The following GPC6 variants were observed in gnomAD, a reference collection of about 807,000 sequenced individuals.
GPC6 encodes the protein glypican-6.
A neutral mutation model predicts 55.2 loss-of-function variants in GPC6; 14 were observed. That is an observed-to-expected ratio of 0.25 (90% confidence interval 0.17 to 0.40). The LOEUF (loss-of-function observed/expected upper bound fraction) is 0.40. Among genes scored for constraint, GPC6 ranks in the 10% least tolerant of loss-of-function variants. The pLI is 1.00. For missense variants in GPC6, 641 were observed against 708.5 expected (o/e 0.90, Z 1.08); for synonymous variants, 278 against 259.6 (o/e 1.07, Z -0.68).
At chr13:94,241,142 G>T (rs1263769799) in intron 4 of GPC6, among the ~76,000 whole-genome samples, 2 of 152,126 alleles carry the variant, frequency 1.3e-5, no homozygotes, top group Non-Finnish European at 2.9e-5. Flanking sequence ...GCAATCTCTT[G>T]GTCACGTGAG....
chr13:93,378,996 G>GAA (rs71202582), intron 1 of GPC6, among the ~76,000 whole-genome samples: 54,280 of 136,686 alleles, frequency 0.4, 11,279 homozygotes, highest in Non-Finnish European at 0.51. Flanking sequence ...CTCCATCTCA[G>GAA]AAAAAAAAAA....
chr13:93,393,127 T>TATATATATATATATATATATAGAGAGAG (rs1230857277), intron 1 of GPC6, among the ~76,000 whole-genome samples: 3 of 87,612 alleles, frequency 3.4e-5, no homozygotes, highest in African/African-American at 1.2e-4. Flanking sequence ...TATATATATA[T>TATATATATATATATATATATAGAGAGAG]AGAGAGAGAG....
chr13:93,746,204 A>G (rs944397592), intron 2 of GPC6, among the ~76,000 whole-genome samples: 1 of 152,218 alleles, frequency 6.6e-6, no homozygotes, highest in Non-Finnish European at 1.5e-5. Flanking sequence ...ACTCTTCAAA[A>G]GCTGTCATAA....
chr13:93,650,532 C>T (rs944678998), intron 2 of GPC6, among the ~76,000 whole-genome samples: 1 of 151,808 alleles, frequency 6.6e-6, no homozygotes, highest in Non-Finnish European at 1.5e-5. Flanking sequence ...ACACTGGGAA[C>T]ACAGAGATGA....
chr13:93,825,915 C>T (rs1177684089), intron 2 of GPC6, among the ~76,000 whole-genome samples: 3 of 139,282 alleles, frequency 2.2e-5, no homozygotes, highest in African/African-American at 8.2e-5. Flanking sequence ...GGCTGAAGTG[C>T]AGCAGTAGGA....
intron 4 of GPC6, among the ~76,000 whole-genome samples, chr13:94,088,189 A>C (rs1028156967): frequency 5.9e-5 from 9 of 152,158 alleles, no homozygotes; most frequent in African/African-American, 2.2e-4. Context: ...ATATTCACTA[A>C]TTCAATGTTG....
intron 1 of GPC6, among the ~76,000 whole-genome samples, chr13:93,431,849 A>G (rs887789808): frequency 1.3e-5 from 2 of 152,196 alleles, no homozygotes; most frequent in Non-Finnish European, 2.9e-5. Flanking sequence ...TGATGAAAAC[A>G]TATTGACTTG....
intron 1 of GPC6, among the ~76,000 whole-genome samples, chr13:93,415,798 T>A (rs73552622): frequency 6.6e-6 from 1 of 152,232 alleles, no homozygotes; most frequent in African/African-American, 2.4e-5. Flanking sequence ...GTGAACAGCC[T>A]AGCTGTATCT....
chr13:93,539,615 A>G (rs188914527), intron 1 of GPC6, among the ~76,000 whole-genome samples: 11 of 152,288 alleles, frequency 7.2e-5, no homozygotes, highest in Admixed American at 6.5e-4. Flanking sequence ...TTGCTGACAA[A>G]ATGGAAGACT....
At chr13:93,382,266 A>C (rs16948743) in intron 1 of GPC6, among the ~76,000 whole-genome samples, 1,979 of 152,276 alleles carry the variant, frequency 0.013, 35 homozygotes, top group African/African-American at 0.045. Context: ...TGAATCCTAG[A>C]AATGATATAA....
At chr13:93,471,892 T>G (rs536122216) in intron 1 of GPC6, among the ~76,000 whole-genome samples, 4 of 152,234 alleles carry the variant, frequency 2.6e-5, no homozygotes, top group Non-Finnish European at 5.9e-5. Flanking sequence ...TTAGATTCAG[T>G]TGACTTATGG....
intron 2 of GPC6, among the ~76,000 whole-genome samples, chr13:93,630,091 A>G (rs531817838): frequency 3.9e-5 from 6 of 152,224 alleles, no homozygotes; most frequent in Non-Finnish European, 5.9e-5. Flanking sequence ...AGGTGTTACT[A>G]TCATTACTAT....
chr13:93,597,860 T>C (rs1877830912), intron 2 of GPC6, among the ~76,000 whole-genome samples: 1 of 152,068 alleles, frequency 6.6e-6, no homozygotes, highest in Admixed American at 6.6e-5. Context: ...AAAAGTTATA[T>C]GTGGGCTGGG....
In GPC6 at chr13:94,270,280, C is replaced by T. The variant is rs1034458197; in HGVS notation, c.878-16069C>T. 2.6e-5 allele frequency among the ~76,000 whole-genome samples: 4 copies of T among 152,170 alleles called. No homozygotes were observed. In the East Asian group the frequency reaches 7.7e-4, roughly 29 times the overall value. ...TAGATAATCAGAAATAGGGACAAAT[C>T]TGAGATAAGGAGTATATTTTATAAT... On this transcript the variant is annotated intron_variant, in intron 4 of 8. Transcript: ENST00000377047.
At chr13:94,148,321 G>A (rs1416230562) in intron 4 of GPC6, among the ~76,000 whole-genome samples, 1 of 152,098 alleles carries the variant, frequency 6.6e-6, no homozygotes, top group African/African-American at 2.4e-5. Flanking sequence ...ATGGTTAGGA[G>A]GCTGTCAGCA....
intron 2 of GPC6, among the ~76,000 whole-genome samples, chr13:93,567,893 T>C (rs759729761): frequency 6.6e-6 from 1 of 152,180 alleles, no homozygotes; most frequent in Middle Eastern, 3.2e-3. Context: ...ACCATGGTCA[T>C]ACATAGACTC....
chr13:93,393,219 A>T (rs576069342), intron 1 of GPC6, among the ~76,000 whole-genome samples: 45 of 149,896 alleles, frequency 3.0e-4, no homozygotes, highest in South Asian at 6.4e-4. Flanking sequence ...GCTCACTGCA[A>T]CCTCTGCCTC....
At chr13:93,830,961 A>AT in intron 3 of GPC6, 1 of 169,126 alleles carries the variant, frequency 5.9e-6, no homozygotes, top group Non-Finnish European at 1.3e-5. Context: ...TGGACCTGCG[A>AT]ATGGAGACAA....
chr13:94,264,258 G>C (rs1891730370), intron 4 of GPC6, among the ~76,000 whole-genome samples: 1 of 152,206 alleles, frequency 6.6e-6, no homozygotes, highest in South Asian at 2.1e-4. Flanking sequence ...AATGGGTTAA[G>C]AGTGAAATAA....
Sources: allele counts gnomAD v4.1 joint callset (sites outside exome capture counted in the v4.1 genomes callset), GRCh38; gene constraint gnomAD v4.1.1; transcripts MANE v1.5; gene names NCBI Gene and HGNC (gene_info 2026-07-23, HGNC 2026-07-21).